Variants in EIF3H observed in about 807,000 individuals in gnomAD.
EIF3H encodes the protein eIF-3-gamma.
EIF3H carries 26 observed loss-of-function variants against 44.2 expected under a neutral mutation model. The ratio of observed to expected loss-of-function variants is 0.59; its 90% CI spans 0.43 to 0.82. EIF3H has a LOEUF of 0.82. EIF3H is among the 40% of genes least tolerant of loss of function. The pLI is 0.00. For missense variants in EIF3H, 359 were observed against 432.8 expected (o/e 0.83, Z 1.51); for synonymous variants, 166 against 151.9 (o/e 1.09, Z -0.68).
chr8:116,766,190 G>C, exon 1 of EIF3H: 1 of 166,160 alleles, frequency 6.0e-6, no homozygotes, highest in Non-Finnish European at 1.3e-5. Context: ...AACATATTAA[G>C]GCTCAATATT....
At chr8:116,657,068 G>A in intron 4 of EIF3H, 147 bp downstream of exon 4, 1 of 691,036 alleles carries the variant, frequency 1.4e-6, no homozygotes, top group Non-Finnish European at 2.6e-6. Flanking sequence ...AAGGGAGAGA[G>A]CAAGCAGCAC....
intron 2 of EIF3H, among the ~76,000 whole-genome samples, chr8:116,694,764 A>G (rs1057352573): frequency 2.0e-5 from 3 of 152,190 alleles, no homozygotes; most frequent in African/African-American, 7.2e-5. Context: ...TATAACTTCT[A>G]CCAAAAGAAG....
Position 116,646,579 on chromosome 8 carries a change from TCTC to T in EIF3H, c.850_852del (p.Glu284del). ...TCTCCTCGGCTCTGGCGCTGCATAT[TCTC>T]CTGCTGGCGACGCTGCTGATACTAA... is the stretch of plus-strand genomic sequence containing the variant. On this transcript the variant is annotated inframe_deletion, in exon 7 of 8. Transcript: ENST00000521861. 1 of 1,614,064 alleles carries T rather than the reference TCTC, an allele frequency of 6.2e-7. No homozygotes were observed.
intron 5 of EIF3H, among the ~76,000 whole-genome samples, chr8:116,655,465 G>A (rs1336676263): frequency 6.6e-6 from 1 of 152,028 alleles, no homozygotes; most frequent in Non-Finnish European, 1.5e-5. Flanking sequence ...AAGCATTTCT[G>A]TTCTTTTCCT....
At chr8:116,742,406 T>A (rs2130962693) in intron 1 of EIF3H, among the ~76,000 whole-genome samples, 1 of 152,312 alleles carries the variant, frequency 6.6e-6, no homozygotes, top group South Asian at 2.1e-4. Context: ...AATTAACTGA[T>A]AAGATGTTTA....
chr8:116,701,525 A>G (rs1814375049), intron 2 of EIF3H, among the ~76,000 whole-genome samples: 1 of 152,206 alleles, frequency 6.6e-6, no homozygotes, highest in African/African-American at 2.4e-5. Flanking sequence ...AAGGAATAAA[A>G]AGTAACTTTT....
At position 116,643,738 on chromosome 8, in the gene EIF3H, AATG is replaced by A. The variant is rs1333177345; in HGVS notation, c.*1265_*1267del. On this transcript the variant is annotated 3_prime_UTR_variant, in exon 8 of 8. Coordinates refer to ENST00000521861, the MANE Select transcript of EIF3H (RefSeq NM_003756.3). ...AGAGCCCCAGTAGTGCCTTCAAAAC[AATG>A]TTGTCCAAAAAATGAATTTCTCGAC... 1.3e-5 allele frequency: 2 copies of A among 152,088 alleles called. No individual in the cohort carries two copies. Among genetic ancestry groups the A allele is most frequent in the African/African-American group, 4.8e-5 (2 of 41,408 alleles). 9.4% of individuals were successfully genotyped at this position (152,088 alleles called of 1,614,324 possible). A position where few individuals can be genotyped will look rare whatever the true frequency, so the allele number is the denominator to read the frequency against.
rs1432512002 is a variant in EIF3H at position 116,724,002 on chromosome 8, T to G, written c.289+2014A>C. 3.3e-5 allele frequency among the ~76,000 whole-genome samples: 5 copies of G among 152,194 alleles called. No individual in the cohort carries two copies. The South Asian group carries it at 8.3e-4, about 25-fold the overall frequency. ...ATATGGAATCTCAAAGGACCCTGAATAGGCAAAACAATCTCAAATGAGATG... is the reference window on the plus strand; with the variant it reads ...ATATGGAATCTCAAAGGACCCTGAAGAGGCAAAACAATCTCAAATGAGATG... On this transcript the variant is annotated intron_variant, in intron 2 of 7. Transcript: ENST00000521861.
At chr8:116,757,725 T>TA (rs1357250477), upstream of EIF3H, among the ~76,000 whole-genome samples, 1 of 137,354 alleles carries the variant, frequency 7.3e-6, no homozygotes, top group African/African-American at 3.1e-5. Flanking sequence ...TTATGTTAAT[T>TA]TTTTTTTTTT....
intron 2 of EIF3H, among the ~76,000 whole-genome samples, chr8:116,669,785 G>A (rs899480961): frequency 6.6e-6 from 1 of 152,156 alleles, no homozygotes; most frequent in African/African-American, 2.4e-5. Context: ...AGCAGTTATA[G>A]AAAAGGTTAG....
chr8:116,670,088 A>G (rs1813728372), intron 2 of EIF3H, among the ~76,000 whole-genome samples: 1 of 152,238 alleles, frequency 6.6e-6, no homozygotes, highest in Admixed American at 6.5e-5. Context: ...TATCTAACCC[A>G]GGAATCCTTA....
chr8:116,697,788 T>C (rs1480049930), intron 2 of EIF3H, among the ~76,000 whole-genome samples: 2 of 152,244 alleles, frequency 1.3e-5, no homozygotes, highest in East Asian at 3.8e-4. Flanking sequence ...CAAATTAGTC[T>C]ACTGAATAAA....
chr8:116,697,687 G>A lies in EIF3H; in HGVS notation c.289+28329C>T, dbSNP rs1814292641. On this transcript the variant is annotated intron_variant, in intron 2 of 7. Transcript: ENST00000521861. Reference sequence around the variant, plus strand: ...AATGGTTTATGTTTCTTCCCTGAGGGCCTAAACTTTTATTTGTTCTTATTA... The same window carrying A: ...AATGGTTTATGTTTCTTCCCTGAGGACCTAAACTTTTATTTGTTCTTATTA... Among the ~76,000 whole-genome samples, 3 of 152,234 alleles carry A rather than the reference G, an allele frequency of 2.0e-5. No homozygotes were observed. The South Asian group carries it at 6.2e-4, about 32-fold the overall frequency.
upstream of EIF3H, chr8:116,756,161 C>T (rs1253702526): frequency 1.4e-6 from 1 of 725,532 alleles, no homozygotes; most frequent in East Asian, 2.7e-5. Context: ...AAGTGCTGTA[C>T]TAACTCGCAT....
At chr8:116,660,966 T>C (rs767252496) in intron 2 of EIF3H, among the ~76,000 whole-genome samples, 1 of 152,206 alleles carries the variant, frequency 6.6e-6, no homozygotes, top group African/African-American at 2.4e-5. Flanking sequence ...GTATGAAATA[T>C]GATAATCTTA....
At chr8:116,725,039 T>C (rs910208671) in intron 2 of EIF3H, among the ~76,000 whole-genome samples, 4 of 152,228 alleles carry the variant, frequency 2.6e-5, no homozygotes, top group Non-Finnish European at 4.4e-5. Flanking sequence ...TAAACTTCCA[T>C]CGCCAGATGG....
chr8:116,719,042 C>T (rs1253426892), intron 2 of EIF3H, among the ~76,000 whole-genome samples: 1 of 151,978 alleles, frequency 6.6e-6, no homozygotes, highest in Non-Finnish European at 1.5e-5. Context: ...TAATTATGTC[C>T]AGTATCTGTA....
intron 5 of EIF3H, among the ~76,000 whole-genome samples, chr8:116,652,016 TAGACTAAGGCAG>T (rs987913895): frequency 2.6e-5 from 4 of 152,166 alleles, no homozygotes; most frequent in African/African-American, 9.6e-5. Flanking sequence ...AATAAGGTCC[TAGACTAAGGCAG>T]TAAGTCACAG....
chr8:116,675,454 G>A (rs751618095), intron 2 of EIF3H, among the ~76,000 whole-genome samples: 26 of 152,232 alleles, frequency 1.7e-4, no homozygotes, highest in East Asian at 1.4e-3. Flanking sequence ...ACAGTGCCCC[G>A]GCCTCTATCC....
Sources: gnomAD v4.1 joint callset for allele counts (sites outside exome capture counted in the v4.1 genomes callset) on GRCh38, gnomAD v4.1.1 for gene constraint, MANE v1.5 for transcripts, NCBI Gene and HGNC (gene_info 2026-07-23, HGNC 2026-07-21) for gene names.